Variants in NIPSNAP1 observed in about 807,000 individuals in gnomAD.
NIPSNAP1 encodes the protein nipsnap homolog 1.
A neutral mutation model predicts 49.2 loss-of-function variants in NIPSNAP1; 25 were observed. The observed-to-expected ratio is 0.51, with a 90% CI of 0.37 to 0.71. The LOEUF (loss-of-function observed/expected upper bound fraction) is 0.71. NIPSNAP1 is among the 30% of genes least tolerant of loss of function. The pLI is 0.00. For missense variants in NIPSNAP1, 294 were observed against 361.0 expected (o/e 0.81, Z 1.50); for synonymous variants, 143 against 140.7 (o/e 1.02, Z -0.12).
At chr22:29,565,744 G>T (rs2064364367) in intron 4 of NIPSNAP1, among the ~76,000 whole-genome samples, 1 of 152,140 alleles carries the variant, frequency 6.6e-6, no homozygotes, top group African/African-American at 2.4e-5. Flanking sequence ...AGCTACTCAG[G>T]AGGATTGCCC....
chr22:29,558,798 A>C, intron 9 of NIPSNAP1, 72 bp downstream of exon 9: 1 of 1,113,426 alleles, frequency 9.0e-7, no homozygotes, highest in Non-Finnish European at 1.4e-6. Context: ...AAGAAAGACT[A>C]GATCTCCTTG....
intron 1 of NIPSNAP1, among the ~76,000 whole-genome samples, chr22:29,574,261 C>CAAAAGAAAAAAA (rs2064432213): frequency 2.7e-5 from 1 of 36,692 alleles, no homozygotes; most frequent in African/African-American, 1.0e-4. Flanking sequence ...TCCATCTTCA[C>CAAAAGAAAAAAA]AAAAAAAAAA....
intron 4 of NIPSNAP1, among the ~76,000 whole-genome samples, chr22:29,566,328 A>C (rs2064368205): frequency 6.6e-6 from 1 of 151,588 alleles, no homozygotes; most frequent in Non-Finnish European, 1.5e-5. Context: ...TTTTTTAGAG[A>C]CAGGGTCCTC....
Position 29,570,474 on chromosome 22 carries a change from C to T in NIPSNAP1, c.157G>A (p.Asp53Asn), listed in dbSNP as rs748363591. ...WFRSLFVHKVDPRKDAHSTLL... is the reference protein window; with the variant it reads ...WFRSLFVHKVNPRKDAHSTLL... ...GTGGAGTGGGCATCCTTCCGGGGAT[C>T]CACTTTGTGAACAAAGAGGGAGCGG... Residue 53 changes from aspartate (D) to asparagine (N), a missense_variant, in exon 2 of 10, where the codon GAT becomes AAT. Physicochemically the swap from Asp to Asn is conservative, Grantham distance 23 (BLOSUM62 1). This residue lies in a region of NIPSNAP1 where 88 missense variants were observed against 76.1 expected (regional missense o/e 1.16). Transcript: ENST00000216121. The T allele has an allele frequency of 1.2e-6, 2 of 1,614,148 alleles. No homozygotes were observed. Among genetic ancestry groups the T allele is most frequent in the East Asian group, 2.2e-5 (1 of 44,878 alleles).
Position 29,555,977 on chromosome 22 carries a change from C to G in NIPSNAP1, c.813G>C (p.Glu271Asp). 1 of 1,551,728 alleles carries G rather than the reference C, an allele frequency of 6.4e-7. No homozygotes were observed. Among genetic ancestry groups the G allele is most frequent in the Non-Finnish European group, 8.7e-7 (1 of 1,147,004 alleles). Residue 271 changes from glutamate to aspartate, a missense_variant, in exon 10 of 10, where the codon GAG becomes GAC. Physicochemically the swap from Glu to Asp is conservative, Grantham distance 45. This residue lies in a region of NIPSNAP1 where 146 missense variants were observed against 219.9 expected (regional missense o/e 0.66). Transcript: ENST00000216121. ...TCTTCAAGGGGATCATGATCCTAGA[C>G]TCCATGTGTCGCACCAGGGGGACTG... ...YYTVPLVRHMESRIMIPLKIS... is the reference protein window; with the variant it reads ...YYTVPLVRHMDSRIMIPLKIS...
In NIPSNAP1 at chr22:29,569,159, A is replaced by G. The variant is rs753577471; in HGVS notation, c.367+34T>C. The G allele has an allele frequency of 1.9e-6, 3 of 1,568,980 alleles. No homozygotes were observed. In the South Asian group the frequency reaches 3.4e-5, roughly 18 times the overall value. ...AAGGTGCTGGAGGCCAGGGCTGGGC[A>G]GTGGCAATGGCACTAGGGAGGTGAG... On this transcript the variant is annotated intron_variant, in intron 4 of 9. Transcript: ENST00000216121.
chr22:29,554,972 C>G lies in NIPSNAP1; in HGVS notation c.*963G>C, dbSNP rs2064277945. 6.6e-6 allele frequency: 1 copy of G among 152,584 alleles called. No individual in the cohort carries two copies. 9.5% of individuals were successfully genotyped at this position (152,584 alleles called of 1,614,324 possible). A position where few individuals can be genotyped will look rare whatever the true frequency, so the allele number is the denominator to read the frequency against. ...CGCCACCTCCACACACCAGGTGGCC[C>G]TGCAGAATGAGGGTTGGGCTGATAG... On this transcript the variant is annotated 3_prime_UTR_variant, in exon 10 of 10. Coordinates refer to ENST00000216121, the MANE Select transcript of NIPSNAP1 (RefSeq NM_003634.4).
At chr22:29,569,389 G>T in intron 3 of NIPSNAP1, 102 bp from the exon 4 acceptor site, 1 of 833,278 alleles carries the variant, frequency 1.2e-6, no homozygotes, top group South Asian at 1.4e-5. Flanking sequence ...CTGGGCCTCA[G>T]ACTCTCCATC....
chr22:29,574,289 A>AAAAGAAAAAAAAGAAAAAG (rs1555973594), intron 1 of NIPSNAP1, among the ~76,000 whole-genome samples: 1 of 125,266 alleles, frequency 8.0e-6, no homozygotes, highest in East Asian at 2.6e-4. Context: ...AAAAAAAAAA[A>AAAAGAAAAAAAAGAAAAAG]AAAGAAAGAA....
At chr22:29,572,630 G>C (rs748918950) in intron 1 of NIPSNAP1, among the ~76,000 whole-genome samples, 1 of 151,742 alleles carries the variant, frequency 6.6e-6, no homozygotes, top group East Asian at 1.9e-4. Flanking sequence ...TTGTGAGACC[G>C]TGTCTCTACA....
chr22:29,575,905 G>A (rs938352647), intron 1 of NIPSNAP1, among the ~76,000 whole-genome samples: 1 of 151,812 alleles, frequency 6.6e-6, no homozygotes, highest in Admixed American at 6.6e-5. Flanking sequence ...GTAGAGATGG[G>A]TTTTCACCAT....
intron 4 of NIPSNAP1, among the ~76,000 whole-genome samples, chr22:29,565,097 G>A (rs962581569): frequency 6.6e-6 from 1 of 151,970 alleles, no homozygotes; most frequent in Admixed American, 6.6e-5. Flanking sequence ...CCAGCTACTC[G>A]AGAAGTTGAG....
chr22:29,572,961 CAG>C (rs1219806661), intron 1 of NIPSNAP1, among the ~76,000 whole-genome samples: 2 of 149,784 alleles, frequency 1.3e-5, no homozygotes, highest in African/African-American at 4.9e-5. Flanking sequence ...GCCTGGGTGA[CAG>C]AGACCATGTC....
At chr22:29,559,492 A>G (rs893938600) in intron 8 of NIPSNAP1, among the ~76,000 whole-genome samples, 1 of 151,976 alleles carries the variant, frequency 6.6e-6, no homozygotes, top group African/African-American at 2.4e-5. Flanking sequence ...AGCTGAGATC[A>G]CACTACTGCA....
At chr22:29,579,107 C>T (rs2064476988) in intron 1 of NIPSNAP1, among the ~76,000 whole-genome samples, 1 of 150,638 alleles carries the variant, frequency 6.6e-6, no homozygotes, top group Admixed American at 6.6e-5. Flanking sequence ...GAGTCTCGCT[C>T]TGTCACCCGG....
intron 8 of NIPSNAP1, 95 bp downstream of exon 8, chr22:29,560,639 G>C (rs1300060854): frequency 1.1e-6 from 1 of 943,210 alleles, no homozygotes; most frequent in Non-Finnish European, 1.8e-6. Context: ...AGAACATTAA[G>C]TTCTATGAGG....
At chr22:29,570,661 GGC>G in intron 1 of NIPSNAP1, 129 bp from the exon 2 acceptor site, 1 of 1,226,276 alleles carries the variant, frequency 8.2e-7, no homozygotes, top group Admixed American at 2.2e-5. Flanking sequence ...GGAGTCCTGT[GGC>G]AGCTCCAGAC....
At position 29,561,211 on chromosome 22, in the gene NIPSNAP1, G is replaced by C; in HGVS notation, c.580-9C>G. Reference sequence around the variant, plus strand: ...TCGATCATGGTTCCTGGCTGAAAGAGAACCAAAGGGATGATGGGAATGAGC... The same window carrying C: ...TCGATCATGGTTCCTGGCTGAAAGACAACCAAAGGGATGATGGGAATGAGC... On this transcript the variant is annotated splice_polypyrimidine_tract_variant and intron_variant, in intron 6 of 9. Coordinates refer to ENST00000216121, the MANE Select transcript of NIPSNAP1 (RefSeq NM_003634.4). The C allele has an allele frequency of 1.9e-6, 3 of 1,613,164 alleles. No individual in the cohort carries two copies. The highest frequency in any genetic ancestry group is 2.5e-6 in the Non-Finnish European group (3 of 1,179,564).
intron 9 of NIPSNAP1, among the ~76,000 whole-genome samples, chr22:29,557,646 G>A (rs1014353747): frequency 6.6e-6 from 1 of 152,094 alleles, no homozygotes; most frequent in Non-Finnish European, 1.5e-5. Flanking sequence ...GCCCAGGCTG[G>A]TCTTAAACTA....
Sources: allele counts gnomAD v4.1 joint callset (sites outside exome capture counted in the v4.1 genomes callset), GRCh38; gene constraint gnomAD v4.1.1; regional missense constraint gnomAD v4.1.1; transcripts MANE v1.5; gene names NCBI Gene and HGNC (gene_info 2026-07-23, HGNC 2026-07-21).